GALNTL6: variants seen among roughly 807,000 people sequenced by gnomAD.
GALNTL6 encodes the protein polypeptide N-acetylgalactosaminyltransferase like 6.
GALNTL6 carries 46 observed loss-of-function variants against 73.7 expected under a neutral mutation model. That is an observed-to-expected ratio of 0.62 (90% CI 0.49 to 0.80). The LOEUF (loss-of-function observed/expected upper bound fraction) is 0.80, where lower values mean the gene tolerates loss of function less well. Among genes scored for constraint, GALNTL6 ranks in the 30% least tolerant of loss-of-function variants. The pLI is 0.00. For synonymous variants in GALNTL6, 259 were observed against 263.7 expected (o/e 0.98, Z 0.17); for missense variants, 604 against 755.0 (o/e 0.80, Z 2.34).
chr4:172,307,544 A>G (rs2111135342), intron 3 of GALNTL6, among the ~76,000 whole-genome samples: 1 of 152,246 alleles, frequency 6.6e-6, no homozygotes. Flanking sequence ...AAATTGAGAG[A>G]TGAGGATCCA....
At chr4:171,819,641 C>T (rs888353783) in intron 2 of GALNTL6, among the ~76,000 whole-genome samples, 2 of 152,040 alleles carry the variant, frequency 1.3e-5, no homozygotes, top group African/African-American at 4.8e-5. Context: ...CCATGTCTCT[C>T]CTTGCAACAT....
intron 12 of GALNTL6, among the ~76,000 whole-genome samples, chr4:173,036,184 C>G (rs187067597): frequency 1.3e-5 from 2 of 152,298 alleles, no homozygotes; most frequent in East Asian, 3.9e-4. Context: ...ACTGTTGTCT[C>G]TCCGCCCCCT....
intron 10 of GALNTL6, among the ~76,000 whole-genome samples, chr4:172,954,397 C>T (rs1193999349): frequency 6.6e-6 from 1 of 152,240 alleles, no homozygotes; most frequent in Non-Finnish European, 1.5e-5. Flanking sequence ...ACTTTTACAA[C>T]ACTTGCCTTA....
intron 2 of GALNTL6, among the ~76,000 whole-genome samples, chr4:171,920,722 A>G (rs557134462): frequency 9.2e-5 from 14 of 152,140 alleles, no homozygotes; most frequent in Non-Finnish European, 4.4e-5. Context: ...ATACACACAA[A>G]CACAGTCATA....
At chr4:172,979,376 C>G (rs1173803323) in intron 10 of GALNTL6, among the ~76,000 whole-genome samples, 1 of 152,078 alleles carries the variant, frequency 6.6e-6, no homozygotes, top group Non-Finnish European at 1.5e-5. Context: ...GTCCAATTTA[C>G]CAGAAAATAT....
At chr4:172,107,358 G>T (rs1397978401) in intron 2 of GALNTL6, among the ~76,000 whole-genome samples, 1 of 152,054 alleles carries the variant, frequency 6.6e-6, no homozygotes, top group African/African-American at 2.4e-5. Flanking sequence ...GAAAGACATT[G>T]GTCCTCACAA....
intron 5 of GALNTL6, among the ~76,000 whole-genome samples, chr4:172,691,665 C>T (rs529428539): frequency 1.3e-4 from 20 of 152,246 alleles, no homozygotes; most frequent in African/African-American, 4.6e-4. Context: ...GACCAAGAAC[C>T]CTGCCTCACT....
chr4:172,931,757 A>G (rs1391482945), intron 9 of GALNTL6, among the ~76,000 whole-genome samples: 2 of 152,194 alleles, frequency 1.3e-5, no homozygotes, highest in African/African-American at 2.4e-5. Flanking sequence ...CTCTGCCTCA[A>G]ATTTTGCCCC....
chr4:172,657,916 C>T (rs1016491873), intron 5 of GALNTL6, among the ~76,000 whole-genome samples: 8 of 151,512 alleles, frequency 5.3e-5, no homozygotes, highest in African/African-American at 1.5e-4. Flanking sequence ...TTTGGGAGGC[C>T]GAGGCAGGCG....
At chr4:172,552,636 A>G (rs1359512253) in intron 5 of GALNTL6, among the ~76,000 whole-genome samples, 1 of 151,954 alleles carries the variant, frequency 6.6e-6, no homozygotes, top group Admixed American at 6.6e-5. Flanking sequence ...CCCGCTCTAT[A>G]TACTAGGTCA....
chr4:172,022,593 CT>C (rs549516220), intron 2 of GALNTL6, among the ~76,000 whole-genome samples: 26 of 151,970 alleles, frequency 1.7e-4, no homozygotes, highest in Non-Finnish European at 3.5e-4. Context: ...CTGCATTTTC[CT>C]AGCATTCATC....
rs374909999 is a variant in GALNTL6 at position 172,961,424 on chromosome 4, C to A, written c.1371+9166C>A. The stretch of plus-strand genomic sequence containing the variant: ...AGATAAGGGGTTGGGGGTTCTTGCC[C>A]CCCCAGAAAAGCGGTACTTGCTGCT... On this transcript the variant is annotated intron_variant, in intron 10 of 12. Transcript: ENST00000506823. 3.3e-5 allele frequency among the ~76,000 whole-genome samples: 5 copies of A among 152,064 alleles called. No individual in the cohort carries two copies. The East Asian group carries it at 7.7e-4, about 24-fold the overall frequency.
At chr4:172,078,642 A>C (rs2110916468) in intron 2 of GALNTL6, among the ~76,000 whole-genome samples, 1 of 152,310 alleles carries the variant, frequency 6.6e-6, no homozygotes, top group South Asian at 2.1e-4. Context: ...GATTAGAGTA[A>C]ACTTGAAAAG....
chr4:172,491,006 T>C (rs936676820), intron 5 of GALNTL6, among the ~76,000 whole-genome samples: 2 of 150,108 alleles, frequency 1.3e-5, no homozygotes, highest in South Asian at 4.3e-4. Flanking sequence ...TTGGCCCATG[T>C]AGTCAGGACC....
At chr4:172,036,688 G>A (rs887054867) in intron 2 of GALNTL6, among the ~76,000 whole-genome samples, 1 of 152,080 alleles carries the variant, frequency 6.6e-6, no homozygotes, top group Non-Finnish European at 1.5e-5. Context: ...TAGGAGCCAG[G>A]CAGTCATAGT....
chr4:172,401,917 G>C (rs79973641), intron 5 of GALNTL6, among the ~76,000 whole-genome samples: 1 of 141,754 alleles, frequency 7.1e-6, no homozygotes, highest in Non-Finnish European at 1.5e-5. Context: ...GAGAGAGAGA[G>C]GGGGAGAGAG....
chr4:172,044,192 C>G (rs751015128), intron 2 of GALNTL6, among the ~76,000 whole-genome samples: 1 of 151,952 alleles, frequency 6.6e-6, no homozygotes, highest in East Asian at 1.9e-4. Context: ...GTTACTCAGT[C>G]GCCTAAAATT....
intron 10 of GALNTL6, among the ~76,000 whole-genome samples, chr4:172,988,682 G>A (rs892822708): frequency 6.6e-6 from 1 of 152,222 alleles, no homozygotes; most frequent in African/African-American, 2.4e-5. Context: ...TGGTTTCATG[G>A]GCCAGGCCCA....
chr4:171,996,105 A>G (rs1482919431), intron 2 of GALNTL6, among the ~76,000 whole-genome samples: 3 of 152,076 alleles, frequency 2.0e-5, no homozygotes, highest in Non-Finnish European at 4.4e-5. Context: ...AACAGCCCAT[A>G]TTCTTGAATC....
Sources: gnomAD v4.1 joint callset for allele counts (sites outside exome capture counted in the v4.1 genomes callset) on GRCh38, gnomAD v4.1.1 for gene constraint, MANE v1.5 for transcripts, NCBI Gene and HGNC (gene_info 2026-07-23, HGNC 2026-07-21) for gene names.